Variants in LPA observed in about 807,000 individuals in gnomAD.
LPA encodes the protein apolipoprotein(a).
LPA carries 199 observed loss-of-function variants against 197.9 expected under a neutral mutation model. The observed-to-expected ratio is 1.01, with a 90% CI of 0.90 to 1.13. The LOEUF (loss-of-function observed/expected upper bound fraction) is 1.13, where lower values mean the gene tolerates loss of function less well. Ranked by LOEUF, LPA falls within the 50% of genes most tolerant of loss-of-function variation. The pLI, the probability that LPA is intolerant of heterozygous loss-of-function variation, is 0.00. For missense variants in LPA, 1,853 were observed against 1,785.8 expected (o/e 1.04, Z -0.68); for synonymous variants, 715 against 639.5 (o/e 1.12, Z -1.78).
chr6:160,606,785 T>C, intron 16 of LPA, 127 bp from the exon 17 acceptor site: 1 of 1,418,656 alleles, frequency 7.0e-7, no homozygotes, highest in Non-Finnish European at 9.9e-7. Context: ...AAAAGTACCA[T>C]ATGATTGCCA....
Position 160,611,398 on chromosome 6 carries a change from C to G in LPA, c.2603+164G>C, listed in dbSNP as rs575634060. Among the ~76,000 whole-genome samples the G allele has an allele frequency of 8.5e-5, 13 of 152,088 alleles. 1 individual carries two copies. Among genetic ancestry groups the G allele is most frequent in the African/African-American group, 3.1e-4 (13 of 41,394 alleles). On this transcript the variant is annotated intron_variant, in intron 16 of 38. Transcript: ENST00000316300. ...GAAGGTGAGGCAGCTTAACATTTCT[C>G]TTCTCTCAGACCCTTAGCTCCAAGG...
intron 31 of LPA, 122 bp downstream of exon 31, chr6:160,548,356 A>C (rs1415538294): frequency 3.0e-6 from 3 of 989,242 alleles, no homozygotes; most frequent in Admixed American, 2.1e-5. Flanking sequence ...CTCAACCAAC[A>C]CTCGAGCTCC....
chr6:160,560,980 G>A (rs1429082434), intron 28 of LPA, among the ~76,000 whole-genome samples: 1 of 151,976 alleles, frequency 6.6e-6, no homozygotes, highest in Non-Finnish European at 1.5e-5. Flanking sequence ...CACAATCTTG[G>A]CTTGCTGCAA....
At chr6:160,604,026 T>A (rs902753059) in intron 18 of LPA, among the ~76,000 whole-genome samples, 3 of 152,180 alleles carry the variant, frequency 2.0e-5, no homozygotes, top group Non-Finnish European at 4.4e-5. Flanking sequence ...CCTCAGGATA[T>A]ATTCTTTTCT....
At chr6:160,650,546 A>G in intron 1 of LPA, 49 bp from the exon 2 acceptor site, 3 of 1,579,004 alleles carry the variant, frequency 1.9e-6, no homozygotes, top group Non-Finnish European at 2.6e-6. Context: ...TAGAACAGAA[A>G]AAAATGTGAA....
chr6:160,553,927 C>G (rs1176450877), intron 30 of LPA, among the ~76,000 whole-genome samples: 3,008 of 75,234 alleles, frequency 0.04, 108 homozygotes, highest in African/African-American at 0.14. Flanking sequence ...CTTTCTCTCT[C>G]TCTCTCTCTC....
intron 26 of LPA, among the ~76,000 whole-genome samples, chr6:160,584,522 G>A (rs1285958936): frequency 6.6e-6 from 1 of 151,526 alleles, no homozygotes; most frequent in Non-Finnish European, 1.5e-5. Context: ...CGTAGAGATG[G>A]GGTTTTGCCA....
intron 2 of LPA, 69 bp downstream of exon 2, chr6:160,650,269 G>A: frequency 6.6e-7 from 1 of 1,512,676 alleles, no homozygotes; most frequent in Non-Finnish European, 9.2e-7. Context: ...AAGTTAGCTT[G>A]ACGCACACCT....
At chr6:160,650,127 C>A (rs752667832) in intron 2 of LPA, among the ~76,000 whole-genome samples, 1 of 152,210 alleles carries the variant, frequency 6.6e-6, no homozygotes, top group Non-Finnish European at 1.5e-5. Flanking sequence ...GCCAGATATT[C>A]TCCTGATTTT....
At chr6:160,550,081 C>T (rs756478815) in intron 30 of LPA, among the ~76,000 whole-genome samples, 33 of 152,102 alleles carry the variant, frequency 2.2e-4, no homozygotes, top group Non-Finnish European at 1.8e-4. Flanking sequence ...ATTAGCTGGG[C>T]GCAGTGGCGC....
intron 24 of LPA, among the ~76,000 whole-genome samples, chr6:160,589,171 A>G (rs1267215125): frequency 1.1e-4 from 17 of 152,228 alleles, no homozygotes; most frequent in Admixed American, 1.1e-3. Flanking sequence ...CAAGACAAAC[A>G]TGGCAAACAC....
At position 160,531,711 on chromosome 6, in the gene LPA, ACT is replaced by A; in HGVS notation, c.*16_*17del. On this transcript the variant is annotated 3_prime_UTR_variant, in exon 39 of 39. Transcript: ENST00000316300. ...CAGCTTCTAAGTAGGTTGATGCTTC[ACT>A]CTGTCTCCCGTCCAATTAATTATTT... 6.2e-7 allele frequency: 1 copy of A among 1,613,892 alleles called. No homozygotes were observed. Among genetic ancestry groups the A allele is most frequent in the Non-Finnish European group, 8.5e-7 (1 of 1,179,860 alleles).
intron 16 of LPA, among the ~76,000 whole-genome samples, chr6:160,610,188 T>A (rs1008832224): frequency 1.3e-5 from 2 of 152,132 alleles, no homozygotes; most frequent in East Asian, 1.9e-4. Flanking sequence ...GTCAAATTTT[T>A]AATTTAGGAC....
Position 160,543,608 on chromosome 6 carries a change from T to C in LPA, c.5399-800A>G, listed in dbSNP as rs957331997. 2.0e-5 allele frequency among the ~76,000 whole-genome samples: 3 copies of C among 152,314 alleles called. No homozygotes were observed. In the South Asian group the frequency reaches 6.2e-4, roughly 32 times the overall value. ...AGAAGTCTTTTGTAAAAAAGAAGCA[T>C]GGCATGGAATGCAATCATCTTTTCT... On this transcript the variant is annotated intron_variant, in intron 33 of 38. Transcript: ENST00000316300.
chr6:160,611,113 G>A (rs1306626582), intron 16 of LPA, among the ~76,000 whole-genome samples: 2 of 152,082 alleles, frequency 1.3e-5, no homozygotes, highest in African/African-American at 4.8e-5. Context: ...AATACAGGTA[G>A]AAATAGAAAC....
intron 29 of LPA, 74 bp downstream of exon 29, chr6:160,557,316 T>A: frequency 6.5e-7 from 1 of 1,536,562 alleles, no homozygotes; most frequent in Non-Finnish European, 9.0e-7. Flanking sequence ...GGAAGGCTTC[T>A]GCATCAGTCA....
rs9355816 is a variant in LPA, at chr6:160,611,301, C to T, written c.2603+261G>A. On this transcript the variant is annotated intron_variant, in intron 16 of 38. Transcript: ENST00000316300. Reference sequence around the variant, plus strand: ...AGGGTAATCTAAGTGTTTGGTGGTTCGTCATTCTGACTTTCTTCATAAGGT... The same window carrying T: ...AGGGTAATCTAAGTGTTTGGTGGTTTGTCATTCTGACTTTCTTCATAAGGT... 2.0e-3 allele frequency among the ~76,000 whole-genome samples: 311 copies of T among 152,142 alleles called. 8 individuals are homozygous for T. The East Asian group carries it at 0.053, about 26-fold the overall frequency.
At chr6:160,543,361 C>T (rs745656818) in intron 33 of LPA, among the ~76,000 whole-genome samples, 1 of 152,154 alleles carries the variant, frequency 6.6e-6, no homozygotes, top group Non-Finnish European at 1.5e-5. Context: ...GCAGGGGCTA[C>T]AGAGGGTGTT....
chr6:160,565,261 G>A (rs1001648550), intron 28 of LPA, among the ~76,000 whole-genome samples: 1 of 152,170 alleles, frequency 6.6e-6, no homozygotes, highest in Admixed American at 6.5e-5. Flanking sequence ...GCCTAACTGG[G>A]GGACACCTCC....
Sources: allele counts gnomAD v4.1 joint callset (sites outside exome capture counted in the v4.1 genomes callset), GRCh38; gene constraint gnomAD v4.1.1; transcripts MANE v1.5; gene names NCBI Gene and HGNC (gene_info 2026-07-23, HGNC 2026-07-21).